PRKAR1A: variants seen among roughly 807,000 people sequenced by gnomAD.
PRKAR1A encodes cAMP-dependent protein kinase type I-alpha regulatory subunit.
A neutral mutation model predicts 52.0 loss-of-function variants in PRKAR1A; 3 were observed. The observed-to-expected ratio is 0.06, with a 90% CI of 0.03 to 0.15. PRKAR1A has a LOEUF of 0.15. PRKAR1A is among the 10% of genes least tolerant of loss of function. PRKAR1A has a pLI of 1.00. For missense variants in PRKAR1A, 240 were observed against 477.4 expected, an observed-to-expected ratio of 0.50 and a Z score of 4.63; for synonymous variants, 188 against 168.4, an observed-to-expected ratio of 1.12 and a Z score of -0.90.
At chr17:68,533,817 T>G (rs2086039255), downstream of PRKAR1A, among the ~76,000 whole-genome samples, 1 of 152,188 alleles carries the variant, frequency 6.6e-6, no homozygotes, top group Non-Finnish European at 1.5e-5. Context: ...CCTCTCTGCT[T>G]CCCAGATTCA....
the PRKAR1A span, among the ~76,000 whole-genome samples, chr17:68,462,151 G>A: frequency 6.6e-6 from 1 of 152,192 alleles, no homozygotes; most frequent in Admixed American, 6.5e-5. Flanking sequence ...TTTCATGAAA[G>A]AGTGAATTGA....
At chr17:68,480,350 C>G in the PRKAR1A span, among the ~76,000 whole-genome samples, 1 of 152,078 alleles carries the variant, frequency 6.6e-6, no homozygotes, top group Non-Finnish European at 1.5e-5. Flanking sequence ...AAGGACCTTC[C>G]AGGGAGGTTT....
the PRKAR1A span, among the ~76,000 whole-genome samples, chr17:68,505,033 C>T: frequency 6.6e-6 from 1 of 152,108 alleles, no homozygotes; most frequent in Non-Finnish European, 1.5e-5. Flanking sequence ...CGTGGTGGCT[C>T]ACATCTGTAA....
At chr17:68,484,753 T>C in the PRKAR1A span, among the ~76,000 whole-genome samples, 1 of 152,230 alleles carries the variant, frequency 6.6e-6, no homozygotes, top group Admixed American at 6.5e-5. Context: ...CAAGAAAGGC[T>C]GACAAACAAA....
the PRKAR1A span, among the ~76,000 whole-genome samples, chr17:68,474,677 C>T: frequency 9.9e-4 from 150 of 152,218 alleles, no homozygotes; most frequent in African/African-American, 3.1e-3. Flanking sequence ...GGGCGGATAA[C>T]GAGGTCAGGA....
At chr17:68,433,774 T>TGTTTGTTTTTTTTTG in the PRKAR1A span, among the ~76,000 whole-genome samples, 1 of 35,226 alleles carries the variant, frequency 2.8e-5, no homozygotes, top group African/African-American at 8.6e-5. Flanking sequence ...TTTTTTTTTT[T>TGTTTGTTTTTTTTTG]TTTTTTTTTT....
the PRKAR1A span, among the ~76,000 whole-genome samples, chr17:68,464,399 T>C: frequency 6.6e-6 from 1 of 152,204 alleles, no homozygotes; most frequent in African/African-American, 2.4e-5. Flanking sequence ...CATGGTTCAC[T>C]TGATGTGCAC....
At chr17:68,523,269 G>A (rs1293699056) in intron 3 of PRKAR1A, among the ~76,000 whole-genome samples, 1 of 151,984 alleles carries the variant, frequency 6.6e-6, no homozygotes, top group Non-Finnish European at 1.5e-5. Context: ...TTTATTCTAC[G>A]AGCCTCATTT....
chr17:68,501,108 G>A, the PRKAR1A span, among the ~76,000 whole-genome samples: 5 of 152,288 alleles, frequency 3.3e-5, no homozygotes, highest in Admixed American at 6.5e-5. Context: ...CCTCCTTGAC[G>A]GTGGATCAGA....
chr17:68,493,014 T>C, the PRKAR1A span, among the ~76,000 whole-genome samples: 37 of 152,286 alleles, frequency 2.4e-4, no homozygotes, highest in Admixed American at 7.2e-4. Flanking sequence ...TTATATTCCT[T>C]TGGGTATATA....
At chr17:68,524,425 T>G (rs915432623) in intron 5 of PRKAR1A, among the ~76,000 whole-genome samples, 2 of 152,192 alleles carry the variant, frequency 1.3e-5, no homozygotes, top group Non-Finnish European at 2.9e-5. Context: ...AACACCTACA[T>G]TCTTCATTGT....
At chr17:68,551,206 C>T in exon 12 of PRKAR1A, 1 of 1,085,124 alleles carries the variant, frequency 9.2e-7, no homozygotes, top group Non-Finnish European at 1.2e-6. Context: ...TCACACCAAG[C>T]TCTGTCTAAG....
At chr17:68,458,266 A>G in the PRKAR1A span, among the ~76,000 whole-genome samples, 1 of 152,250 alleles carries the variant, frequency 6.6e-6, no homozygotes, top group African/African-American at 2.4e-5. Context: ...TGTGCTCAAT[A>G]TACAGAAGAG....
the PRKAR1A span, among the ~76,000 whole-genome samples, chr17:68,491,097 T>TCTTTC: frequency 5.0e-5 from 7 of 140,066 alleles, no homozygotes; most frequent in African/African-American, 1.3e-4. Flanking sequence ...TTTCTTTCTT[T>TCTTTC]TTTTTTTTTT....
intron 5 of PRKAR1A, 96 bp downstream of exon 5, chr17:68,524,173 T>C: frequency 8.0e-7 from 1 of 1,255,768 alleles, no homozygotes; most frequent in Non-Finnish European, 1.1e-6. Context: ...TTTTCCTCTT[T>C]GATCCTACCA....
the PRKAR1A span, among the ~76,000 whole-genome samples, chr17:68,438,199 C>T: frequency 2.1e-4 from 32 of 152,162 alleles, no homozygotes; most frequent in Non-Finnish European, 2.9e-4. Flanking sequence ...TGCATAGCTA[C>T]GGGAGGAAGT....
the PRKAR1A span, among the ~76,000 whole-genome samples, chr17:68,477,320 C>A: frequency 6.6e-6 from 1 of 152,132 alleles, no homozygotes; most frequent in African/African-American, 2.4e-5. Context: ...ACATTTTCTG[C>A]CATTAATTCA....
chr17:68,544,072 G>C (rs1364300030), intron 11 of PRKAR1A, among the ~76,000 whole-genome samples: 2 of 152,120 alleles, frequency 1.3e-5, no homozygotes, highest in Non-Finnish European at 2.9e-5. Context: ...AGAGGGGAAT[G>C]GTTAGCAGAA....
intron 9 of PRKAR1A, 80 bp from the exon 10 acceptor site, chr17:68,529,840 A>T: frequency 7.5e-7 from 1 of 1,334,818 alleles, no homozygotes; most frequent in Non-Finnish European, 1.1e-6. Context: ...CAAGGTAGTT[A>T]AAATTGCATA....
Sources: gnomAD v4.1 joint callset for allele counts (sites outside exome capture counted in the v4.1 genomes callset) on GRCh38, gnomAD v4.1.1 for gene constraint, MANE v1.5 for transcripts, NCBI Gene and HGNC (gene_info 2026-07-23, HGNC 2026-07-21) for gene names.